FAIM2: variants seen among roughly 807,000 people sequenced by gnomAD.
The protein encoded by FAIM2 is Fas apoptotic inhibitory molecule 2, also known as protein lifeguard 2.
Under a neutral mutation model 47.4 loss-of-function variants are expected in FAIM2, and 27 were observed. The observed-to-expected ratio is 0.57, with a 90% CI of 0.42 to 0.78. The LOEUF (loss-of-function observed/expected upper bound fraction) is 0.78, where lower values mean the gene tolerates loss of function less well. Among genes scored for constraint, FAIM2 ranks in the 30% least tolerant of loss-of-function variants. The pLI is 0.00. For synonymous variants in FAIM2, 156 were observed against 159.3 expected, an observed-to-expected ratio of 0.98 and a Z score of 0.16; for missense variants, 311 against 389.4, an observed-to-expected ratio of 0.80 and a Z score of 1.69.
chr12:49,880,722 A>ATATGTG (rs781482658), intron 11 of FAIM2, among the ~76,000 whole-genome samples: 15,788 of 75,568 alleles, frequency 0.21, 852 homozygotes, highest in East Asian at 0.27. Context: ...ACATGCGTGT[A>ATATGTG]TATGTGTGTG....
intron 1 of FAIM2, among the ~76,000 whole-genome samples, chr12:49,903,194 G>A (rs1380722513): frequency 1.3e-5 from 2 of 152,210 alleles, no homozygotes; most frequent in African/African-American, 4.8e-5. Flanking sequence ...TGCTTCATCC[G>A]GACCCATCCA....
At chr12:49,903,259 G>A (rs1946993672) in intron 1 of FAIM2, among the ~76,000 whole-genome samples, 1 of 152,346 alleles carries the variant, frequency 6.6e-6, no homozygotes, top group East Asian at 1.9e-4. Flanking sequence ...AGTTGTCATA[G>A]CAAGCCCCAA....
intron 11 of FAIM2, among the ~76,000 whole-genome samples, chr12:49,876,770 T>TAA (rs1326619753): frequency 7.5e-5 from 11 of 146,772 alleles, no homozygotes; most frequent in African/African-American, 2.2e-4. Flanking sequence ...AGACTCCATT[T>TAA]AAAAAAAAAA....
intron 11 of FAIM2, among the ~76,000 whole-genome samples, chr12:49,882,733 G>A (rs1368378368): frequency 1.3e-5 from 2 of 152,050 alleles, no homozygotes; most frequent in Non-Finnish European, 2.9e-5. Context: ...TACCTCCGTG[G>A]GCCTGGCCCT....
chr12:49,879,785 T>A (rs1338505810), intron 11 of FAIM2, among the ~76,000 whole-genome samples: 1 of 151,394 alleles, frequency 6.6e-6, no homozygotes, highest in East Asian at 1.9e-4. Context: ...TATATGTGCA[T>A]GTGTGTATGT....
chr12:49,882,410 C>T (rs1305764937), intron 11 of FAIM2, among the ~76,000 whole-genome samples: 1 of 152,116 alleles, frequency 6.6e-6, no homozygotes, highest in Admixed American at 6.5e-5. Flanking sequence ...CGAGGGCCTT[C>T]GTCTACCTGA....
intron 11 of FAIM2, among the ~76,000 whole-genome samples, chr12:49,878,887 T>TGC (rs145512623): frequency 0.48 from 56,044 of 116,104 alleles, 17,858 homozygotes; most frequent in African/African-American, 0.54. Context: ...TGTATGCATG[T>TGC]GTATATGTGC....
chr12:49,894,130 C>G (rs894939259), intron 5 of FAIM2, among the ~76,000 whole-genome samples: 2 of 152,246 alleles, frequency 1.3e-5, no homozygotes, highest in Admixed American at 1.3e-4. Context: ...AGCCAAGACC[C>G]AGTTTCCACT....
At chr12:49,897,769 C>CG (rs1007789281) in intron 3 of FAIM2, among the ~76,000 whole-genome samples, 186 bp from the exon 4 acceptor site, 2 of 151,342 alleles carry the variant, frequency 1.3e-5, no homozygotes, top group East Asian at 3.9e-4. Flanking sequence ...AGCGCACCCC[C>CG]CCCCAGCATT....
intron 11 of FAIM2, among the ~76,000 whole-genome samples, chr12:49,878,416 A>G (rs551096203): frequency 1.0e-5 from 1 of 96,860 alleles, no homozygotes; most frequent in Admixed American, 1.2e-4. Flanking sequence ...ATGTGAGTGT[A>G]TGTGTGTGTA....
rs1386131230 is a variant in FAIM2 at position 49,878,162 on chromosome 12, ATG to A, written c.802-7511_802-7510del. Among the ~76,000 whole-genome samples the A allele has an allele frequency of 3.4e-5, 3 of 87,050 alleles. 1 individual carries two copies. Among genetic ancestry groups the A allele is most frequent in the South Asian group, 9.1e-4 (2 of 2,204 alleles). The allele number at this position is 87,050 out of a possible 152,430, so 57.1% of individuals were successfully genotyped here. On this transcript the variant is annotated intron_variant, in intron 11 of 11. Transcript: ENST00000320634. ...TGCATGTGAGTGTGTGTATGAGTGT[ATG>A]TGTGTATGTGCATGTGTATATGTGT... is the stretch of plus-strand genomic sequence containing the variant.
At chr12:49,894,249 A>G (rs1027711) in intron 5 of FAIM2, among the ~76,000 whole-genome samples, 16,775 of 152,232 alleles carry the variant, frequency 0.11, 1,087 homozygotes, top group Non-Finnish European at 0.15. Context: ...GGGACTCCCC[A>G]CTAGAGTTAT....
chr12:49,897,002 A>G, intron 5 of FAIM2, 29 bp downstream of exon 5: 3 of 1,592,300 alleles, frequency 1.9e-6, no homozygotes, highest in Non-Finnish European at 2.6e-6. Flanking sequence ...CCTTCTCTGG[A>G]AGGGGACTGG....
rs201162712 is a variant in FAIM2, at chr12:49,870,607, G to A, written c.848C>T (p.Ser283Leu). ...AAAAATATACTCCTCAGGGCTCAGC[G>A]AGTGGCGTCGGTTACCCATCAGCAA... ...TQLLMGNRRH[S>L]LSPEEYIFGA... is the part of the protein sequence containing the mutation. Residue 283 changes from serine to leucine, a missense_variant, in exon 12 of 12, where the codon TCG (serine) becomes TTG (leucine). Coordinates refer to ENST00000320634, the MANE Select transcript of FAIM2 (RefSeq NM_012306.4). The A allele has an allele frequency of 1.4e-5, 22 of 1,613,930 alleles. No individual in the cohort carries two copies. The highest frequency in any genetic ancestry group is 8.3e-5 in the Admixed American group (5 of 60,020).
intron 11 of FAIM2, among the ~76,000 whole-genome samples, chr12:49,879,384 A>T (rs1445375030): frequency 1.5e-5 from 2 of 136,158 alleles, no homozygotes; most frequent in Non-Finnish European, 3.2e-5. Flanking sequence ...GTATATGTGT[A>T]TGTGGGTATG....
intron 11 of FAIM2, 25 bp downstream of exon 11, chr12:49,887,361 T>A: frequency 6.2e-7 from 1 of 1,602,172 alleles, no homozygotes; most frequent in Non-Finnish European, 8.5e-7. Flanking sequence ...GGAAGGAGGC[T>A]GCCAAGGAGC....
chr12:49,903,396 G>C (rs1023122729), intron 1 of FAIM2, among the ~76,000 whole-genome samples: 3 of 152,248 alleles, frequency 2.0e-5, no homozygotes, highest in African/African-American at 7.2e-5. Context: ...GGTTGGGCCA[G>C]AGGGGGTTGC....
chr12:49,898,972 G>C (rs900377441), intron 2 of FAIM2, among the ~76,000 whole-genome samples: 2 of 152,124 alleles, frequency 1.3e-5, no homozygotes, highest in African/African-American at 4.8e-5. Flanking sequence ...GGCAAGAAGT[G>C]GGGGTGAGGA....
chr12:49,897,771 C>T (rs149721225), intron 3 of FAIM2, among the ~76,000 whole-genome samples, 188 bp from the exon 4 acceptor site: 26 of 152,164 alleles, frequency 1.7e-4, no homozygotes, highest in Admixed American at 7.2e-4. Context: ...CGCACCCCCC[C>T]CCAGCATTGG....
Sources: gnomAD v4.1 joint callset for allele counts (sites outside exome capture counted in the v4.1 genomes callset) on GRCh38, gnomAD v4.1.1 for gene constraint, MANE v1.5 for transcripts, NCBI Gene and HGNC (gene_info 2026-07-23, HGNC 2026-07-21) for gene names.